CPXM2: variants seen among roughly 807,000 people sequenced by gnomAD.
The protein encoded by CPXM2 is carboxypeptidase X, M14 family member 2, also known as inactive carboxypeptidase-like protein X2.
A neutral mutation model predicts 86.1 loss-of-function variants in CPXM2; 66 were observed. The ratio of observed to expected loss-of-function variants is 0.77; its 90% confidence interval spans 0.63 to 0.94. The LOEUF is 0.94. Among genes scored for constraint, CPXM2 ranks in the 40% least tolerant of loss-of-function variants. The pLI is 0.00. For synonymous variants in CPXM2, 388 were observed against 400.2 expected, an observed-to-expected ratio of 0.97 and a Z score of 0.36; for missense variants, 948 against 1,026.3, an observed-to-expected ratio of 0.92 and a Z score of 1.04.
chr10:123,854,379 A>AT (rs1848668353), intron 3 of CPXM2, among the ~76,000 whole-genome samples: 1 of 121,710 alleles, frequency 8.2e-6, no homozygotes, highest in African/African-American at 3.3e-5. Context: ...TATATAATAT[A>AT]TATATAATAT....
chr10:123,781,916 G>A (rs1005028854), intron 6 of CPXM2, among the ~76,000 whole-genome samples: 3 of 152,222 alleles, frequency 2.0e-5, no homozygotes, highest in African/African-American at 7.2e-5. Flanking sequence ...TTCACTTAAA[G>A]ACTGGCTTCA....
At chr10:123,757,138 C>A (rs1846232077) in intron 12 of CPXM2, 75 bp downstream of exon 12, 1 of 1,390,680 alleles carries the variant, frequency 7.2e-7, no homozygotes, top group Admixed American at 1.7e-5. Flanking sequence ...TAATTCCATC[C>A]CATACTTTCA....
intron 2 of CPXM2, among the ~76,000 whole-genome samples, chr10:123,879,190 G>T (rs1004908797): frequency 4.6e-5 from 7 of 152,164 alleles, no homozygotes; most frequent in African/African-American, 1.7e-4. Context: ...GCGAGTTCTT[G>T]GTTAGAAACA....
intron 2 of CPXM2, among the ~76,000 whole-genome samples, chr10:123,917,637 T>C (rs896225738): frequency 3.3e-5 from 5 of 152,220 alleles, no homozygotes; most frequent in South Asian, 2.1e-4. Flanking sequence ...GAAGTATTAC[T>C]AGCCCCATTT....
chr10:123,897,852 G>T (rs1285954481), intron 2 of CPXM2, among the ~76,000 whole-genome samples: 1 of 152,274 alleles, frequency 6.6e-6, no homozygotes, highest in Non-Finnish European at 1.5e-5. Flanking sequence ...CACATGGGCA[G>T]GGCTGCCATG....
chr10:123,832,344 C>T (rs544987724), intron 4 of CPXM2, among the ~76,000 whole-genome samples: 1 of 143,564 alleles, frequency 7.0e-6, no homozygotes, highest in Admixed American at 6.9e-5. Context: ...GGTGTCTACA[C>T]TTGCACAGGC....
At chr10:123,882,344 C>T (rs1945106427) in intron 1 of CPXM2, among the ~76,000 whole-genome samples, 1 of 152,162 alleles carries the variant, frequency 6.6e-6, no homozygotes, top group Non-Finnish European at 1.5e-5. Context: ...ACATCTCTGC[C>T]CGACACTGCT....
At chr10:123,926,090 A>G (rs1250541046) in intron 2 of CPXM2, among the ~76,000 whole-genome samples, 1 of 152,222 alleles carries the variant, frequency 6.6e-6, no homozygotes, top group Non-Finnish European at 1.5e-5. Flanking sequence ...TGCTCTTCTC[A>G]TGGCAGATTC....
intron 4 of CPXM2, among the ~76,000 whole-genome samples, chr10:123,805,942 A>G (rs1847569486): frequency 6.6e-6 from 1 of 152,052 alleles, no homozygotes; most frequent in Admixed American, 6.5e-5. Context: ...AAGTCCATTT[A>G]CCCCTCCAGC....
chr10:123,860,208 T>C (rs1848822186), intron 3 of CPXM2, among the ~76,000 whole-genome samples: 1 of 152,138 alleles, frequency 6.6e-6, no homozygotes, highest in African/African-American at 2.4e-5. Flanking sequence ...ACCAGAGCCT[T>C]TCAACAGAGG....
chr10:123,766,541 T>C (rs1409981014), intron 10 of CPXM2, among the ~76,000 whole-genome samples: 1 of 152,212 alleles, frequency 6.6e-6, no homozygotes, highest in African/African-American at 2.4e-5. Flanking sequence ...GGGAAATATT[T>C]CTCATCTAAT....
chr10:123,795,242 C>T (rs1159630423), intron 6 of CPXM2, among the ~76,000 whole-genome samples: 1 of 152,198 alleles, frequency 6.6e-6, no homozygotes, highest in African/African-American at 2.4e-5. Flanking sequence ...TCAACAACAA[C>T]TCTCCATTTT....
chr10:123,746,606 C>G lies in CPXM2; in HGVS notation c.*158G>C. 3 of 692,366 alleles carry G rather than the reference C, an allele frequency of 4.3e-6. No individual in the cohort carries two copies. Among genetic ancestry groups the G allele is most frequent in the Non-Finnish European group, 7.2e-6 (3 of 413,876 alleles). 42.9% of individuals were successfully genotyped at this position (692,366 alleles called of 1,614,324 possible). A position where few individuals can be genotyped will look rare whatever the true frequency, so the allele number is the denominator to read the frequency against. ...AAAGAAAAGAAAACAGCCTCAGCCT[C>G]CAGCCTTCCCTTTTGGGACCTGCCT... On this transcript the variant is annotated 3_prime_UTR_variant, in exon 14 of 14. Coordinates refer to ENST00000241305, the MANE Select transcript of CPXM2 (RefSeq NM_198148.3).
chr10:123,905,149 C>A (rs1945426887), intron 2 of CPXM2, among the ~76,000 whole-genome samples: 1 of 152,164 alleles, frequency 6.6e-6, no homozygotes, highest in South Asian at 2.1e-4. Flanking sequence ...GAGCTATACC[C>A]CCAAGTGAGG....
At chr10:123,785,230 G>C (rs556498599) in intron 6 of CPXM2, among the ~76,000 whole-genome samples, 1 of 152,262 alleles carries the variant, frequency 6.6e-6, no homozygotes, top group Admixed American at 6.5e-5. Flanking sequence ...CCCTCCATCA[G>C]TAACATAACG....
intron 1 of CPXM2, among the ~76,000 whole-genome samples, chr10:123,882,878 C>CAACAG (rs1564811690): frequency 6.7e-6 from 1 of 149,874 alleles, no homozygotes; most frequent in Admixed American, 6.6e-5. Context: ...CACTACAACA[C>CAACAG]CATGGCCCGG....
At chr10:123,749,691 T>A (rs2133964793) in intron 13 of CPXM2, among the ~76,000 whole-genome samples, 1 of 152,348 alleles carries the variant, frequency 6.6e-6, no homozygotes, top group East Asian at 1.9e-4. Context: ...ATCTCTGGGC[T>A]TTGCATATAC....
rs2133958673 is a variant in CPXM2 at position 123,745,862 on chromosome 10, A to T, written c.*902T>A. ...ATAACTCCCAGGCTGATATGAGGCC[A>T]ACCCATGAGCACTCAATTCCACACA... On this transcript the variant is annotated 3_prime_UTR_variant, in exon 14 of 14. Transcript: ENST00000241305. 1.3e-5 allele frequency: 2 copies of T among 152,158 alleles called. No individual in the cohort carries two copies. Among genetic ancestry groups the T allele is most frequent in the Middle Eastern group, 3.4e-3 (1 of 294 alleles). 9.4% of individuals were successfully genotyped at this position (152,158 alleles called of 1,614,324 possible).
intron 4 of CPXM2, among the ~76,000 whole-genome samples, chr10:123,826,858 A>G (rs1848058255): frequency 6.6e-6 from 1 of 152,208 alleles, no homozygotes; most frequent in Non-Finnish European, 1.5e-5. Flanking sequence ...CACAGCTCAC[A>G]ATAAGGCATT....
Sources: allele counts gnomAD v4.1 joint callset (sites outside exome capture counted in the v4.1 genomes callset), GRCh38; gene constraint gnomAD v4.1.1; transcripts MANE v1.5; gene names NCBI Gene and HGNC (gene_info 2026-07-23, HGNC 2026-07-21).